Variants in DRC9 observed in about 807,000 individuals in gnomAD.
DRC9 encodes dynein regulatory complex subunit 9.
the DRC9 span, among the ~76,000 whole-genome samples, chr3:197,929,237 C>A: frequency 1.3e-5 from 2 of 152,210 alleles, no homozygotes; most frequent in African/African-American, 4.8e-5. The surrounding 1 kb of genome is among the most constrained non-coding windows in gnomAD (Gnocchi z 4.6). Flanking sequence ...CAGAGAATAA[C>A]CACTGACAAT....
At chr3:197,933,097 T>C in the DRC9 span, among the ~76,000 whole-genome samples, 1 of 140,568 alleles carries the variant, frequency 7.1e-6, no homozygotes, top group Non-Finnish European at 1.5e-5. Flanking sequence ...ATATTATACA[T>C]ATATATATAT....
chr3:197,917,736 C>CT, the DRC9 span, among the ~76,000 whole-genome samples: 113 of 146,122 alleles, frequency 7.7e-4, no homozygotes, highest in Middle Eastern at 3.5e-3. Context: ...TCTCTTTTCT[C>CT]TTTTTTTTTT....
chr3:197,938,218 G>C, the DRC9 span, among the ~76,000 whole-genome samples: 1 of 151,544 alleles, frequency 6.6e-6, no homozygotes, highest in Admixed American at 6.6e-5. Flanking sequence ...TCAGGAGGCT[G>C]AGGCAGGAGA....
chr3:197,957,488 T>TG, the DRC9 span: 1 of 151,880 alleles, frequency 6.6e-6, no homozygotes, highest in Admixed American at 6.6e-5. Context: ...GAGACAGTCT[T>TG]GCTCTGTCGT....
chr3:197,941,269 C>G, the DRC9 span, among the ~76,000 whole-genome samples: 1 of 128,120 alleles, frequency 7.8e-6, no homozygotes, highest in Non-Finnish European at 1.6e-5. Flanking sequence ...TCCCTCCCTT[C>G]CTACCTTCCT....
the DRC9 span, among the ~76,000 whole-genome samples, chr3:197,926,431 G>A: frequency 6.6e-6 from 1 of 152,154 alleles, no homozygotes; most frequent in African/African-American, 2.4e-5. Flanking sequence ...GACAGCAAGA[G>A]GAGAAAGAAG....
chr3:197,904,106 A>AT, the DRC9 span, among the ~76,000 whole-genome samples: 2 of 26,088 alleles, frequency 7.7e-5, no homozygotes, highest in African/African-American at 1.5e-4. Flanking sequence ...ATATATATAT[A>AT]TATATTTTTT....
At chr3:197,931,063 A>G in the DRC9 span, among the ~76,000 whole-genome samples, 1 of 152,052 alleles carries the variant, frequency 6.6e-6, no homozygotes. Context: ...AAAGAAAAGA[A>G]AGAAAGAGTT....
the DRC9 span, among the ~76,000 whole-genome samples, chr3:197,895,307 TCA>T: frequency 3.3e-5 from 5 of 152,212 alleles, no homozygotes; most frequent in Non-Finnish European, 7.3e-5. Context: ...TCTGGATCTG[TCA>T]CCCAGGCTGG....
At chr3:197,911,632 A>G in the DRC9 span, among the ~76,000 whole-genome samples, 1 of 152,156 alleles carries the variant, frequency 6.6e-6, no homozygotes, top group Non-Finnish European at 1.5e-5. Context: ...TTTATAGTGT[A>G]AAAGATTAGT....
chr3:197,928,901 C>T, the DRC9 span, among the ~76,000 whole-genome samples: 1 of 152,220 alleles, frequency 6.6e-6, no homozygotes, highest in Non-Finnish European at 1.5e-5. Context: ...TACACATCTT[C>T]GAAGGCACAA....
chr3:197,951,073 C>T, the DRC9 span: 1 of 1,604,482 alleles, frequency 6.2e-7, no homozygotes, highest in Non-Finnish European at 8.5e-7. Flanking sequence ...GATGTTTGCT[C>T]TGAGTAACTT....
the DRC9 span, chr3:197,952,493 CTTTTT>C: frequency 2.0e-5 from 3 of 151,584 alleles, no homozygotes; most frequent in Non-Finnish European, 4.4e-5. Flanking sequence ...TCTTTCTTTT[CTTTTT>C]TTCTTTCTTT....
At chr3:197,932,935 T>C in the DRC9 span, among the ~76,000 whole-genome samples, 2 of 133,028 alleles carry the variant, frequency 1.5e-5, no homozygotes, top group African/African-American at 6.0e-5. Context: ...GTATTATATA[T>C]ATGTATAATA....
At chr3:197,936,111 C>G in the DRC9 span, among the ~76,000 whole-genome samples, 1 of 151,640 alleles carries the variant, frequency 6.6e-6, no homozygotes. Flanking sequence ...TTGCAGTGAG[C>G]CAGGATTGTA....
chr3:197,932,125 T>TC, the DRC9 span: 1 of 1,583,226 alleles, frequency 6.3e-7, no homozygotes, highest in Non-Finnish European at 8.6e-7. Flanking sequence ...TAAGAGTGTT[T>TC]TAGCACTTTA....
chr3:197,932,302 C>A, the DRC9 span: 1 of 1,608,240 alleles, frequency 6.2e-7, no homozygotes, highest in Non-Finnish European at 8.5e-7. Context: ...TGAAAAACTG[C>A]CTGTAAGGAG....
At chr3:197,891,353 T>C in the DRC9 span, 1 of 696,586 alleles carries the variant, frequency 1.4e-6, no homozygotes, top group South Asian at 1.7e-5. Flanking sequence ...AGTTCCTTGA[T>C]ATACTGAGAT....
chr3:197,939,519 T>C, the DRC9 span, among the ~76,000 whole-genome samples: 45 of 152,344 alleles, frequency 3.0e-4, no homozygotes, highest in African/African-American at 1.0e-3. Context: ...TGGTGTAAAC[T>C]AAACTGTGGC....
Sources: allele counts gnomAD v4.1 joint callset (sites outside exome capture counted in the v4.1 genomes callset), GRCh38; gene constraint gnomAD v4.1.1; non-coding constraint Gnocchi (gnomAD v3.1); transcripts MANE v1.5; gene names NCBI Gene and HGNC (gene_info 2026-07-23, HGNC 2026-07-21).